The following PRTG variants were observed in gnomAD, a reference collection of about 807,000 sequenced individuals.
PRTG encodes the protein protogenin.
In PRTG, 67 loss-of-function variants were observed where a neutral mutation model predicts 122.5. That is an observed-to-expected ratio of 0.55 (90% confidence interval 0.45 to 0.67). PRTG has a LOEUF of 0.67. Among genes scored for constraint, PRTG ranks in the 30% least tolerant of loss-of-function variants. PRTG has a pLI of 0.00. For synonymous variants in PRTG, 554 were observed against 501.1 expected (o/e 1.11, Z -1.41); for missense variants, 1,435 against 1,415.4 (o/e 1.01, Z -0.22).
At chr15:55,656,309 G>A (rs1333219823) in intron 11 of PRTG, 1 of 453,254 alleles carries the variant, frequency 2.2e-6, no homozygotes. Context: ...TTTGTGGAAT[G>A]TCTCACAATC....
At chr15:55,694,951 C>G (rs912581137) in intron 2 of PRTG, among the ~76,000 whole-genome samples, 21 of 152,146 alleles carry the variant, frequency 1.4e-4, no homozygotes, top group African/African-American at 4.6e-4. Context: ...GTCATTAAAG[C>G]TGTGCTGTTA....
chr15:55,658,111 G>A (rs1176746771), intron 11 of PRTG, among the ~76,000 whole-genome samples: 1 of 151,956 alleles, frequency 6.6e-6, no homozygotes, highest in African/African-American at 2.4e-5. Context: ...TCCTTTCAAT[G>A]CCCATATTTA....
intron 2 of PRTG, among the ~76,000 whole-genome samples, chr15:55,724,624 T>C (rs1455094357): frequency 6.6e-6 from 1 of 151,084 alleles, no homozygotes. Context: ...CCAGGTGTGG[T>C]GGTGCATGCC....
rs368497121 is a variant in PRTG at position 55,705,767 on chromosome 15, T to C, written c.398-21836A>G. Among the ~76,000 whole-genome samples the C allele has an allele frequency of 1.4e-4, 22 of 152,194 alleles. No individual in the cohort carries two copies. The South Asian group carries it at 4.4e-3, about 30-fold the overall frequency. ...CCTACCTATTTCTGATCAACATCAA[T>C]TTAATTGTACTGTTGTTTATCCAAC... On this transcript the variant is annotated intron_variant, in intron 2 of 19. Transcript: ENST00000389286.
At position 55,611,892 on chromosome 15, in the gene PRTG, G is replaced by C. The variant is rs12595448; in HGVS notation, c.*8120C>G. On this transcript the variant is annotated 3_prime_UTR_variant, in exon 20 of 20. Transcript: ENST00000389286. ...TATAGCTCAGCTCTACAGTCCATTA[G>C]CAAGTCTACAAATGCTGCCCTTACA... The C allele has an allele frequency of 0.28, 41,876 of 151,894 alleles. 8,204 individuals are homozygous for C. The highest frequency in any genetic ancestry group is 0.94 in the East Asian group (4,893 of 5,178). The allele number at this position is 151,894 out of a possible 1,614,324, so 9.4% of individuals were successfully genotyped here.
rs1306401109 is a variant in PRTG, at chr15:55,682,376, T to C, written c.664A>G (p.Thr222Ala). 4 of 1,598,388 alleles carry C rather than the reference T, an allele frequency of 2.5e-6. No homozygotes were observed. The highest frequency in any genetic ancestry group is 3.4e-6 in the Non-Finnish European group (4 of 1,171,350). The part of the protein sequence containing the change: ...HRRKSMEASL[T>A]VIPAKESKSF... ...CTCTGCGTGGTACCTGGAATCACAGTTAGCGAGGCCTCCATACTTTTACGT... is the reference window on the plus strand; with the variant it reads ...CTCTGCGTGGTACCTGGAATCACAGCTAGCGAGGCCTCCATACTTTTACGT... The change falls in exon 4 of 20, where the codon ACT (threonine) becomes GCT (alanine). Residue 222 changes from threonine (T) to alanine (A), a missense_variant. Physicochemically the swap from Thr to Ala is moderately conservative, Grantham distance 58. Transcript: ENST00000389286.
At chr15:55,638,428 A>G (rs1478756529) in intron 14 of PRTG, 121 bp downstream of exon 14, 13 of 636,632 alleles carry the variant, frequency 2.0e-5, no homozygotes, top group Admixed American at 3.7e-5. Flanking sequence ...CAAAACAAAT[A>G]CATATATCAA....
intron 2 of PRTG, among the ~76,000 whole-genome samples, chr15:55,688,767 G>C (rs2059584426): frequency 6.6e-6 from 1 of 152,216 alleles, no homozygotes; most frequent in Admixed American, 6.5e-5. Flanking sequence ...CTGGGAGGCA[G>C]AGGTTGCAGT....
At chr15:55,685,598 G>C (rs2059565940) in intron 2 of PRTG, among the ~76,000 whole-genome samples, 1 of 152,096 alleles carries the variant, frequency 6.6e-6, no homozygotes, top group African/African-American at 2.4e-5. Context: ...TAACTAAAGA[G>C]ATATGCACAA....
At chr15:55,673,760 T>G in intron 9 of PRTG, 84 bp from the exon 10 acceptor site, 3 of 1,004,348 alleles carry the variant, frequency 3.0e-6, no homozygotes, top group Non-Finnish European at 4.5e-6. Context: ...TTCTCTTAAT[T>G]AGCAACATAT....
rs555851012 is a variant in PRTG at position 55,673,292 on chromosome 15, T to C, written c.1852+79A>G. 5 of 1,009,938 alleles carry C rather than the reference T, an allele frequency of 5.0e-6. No individual in the cohort carries two copies. In the Admixed American group the frequency reaches 1.4e-4, roughly 28 times the overall value. 62.6% of individuals were successfully genotyped at this position (1,009,938 alleles called of 1,614,324 possible). A position where few individuals can be genotyped will look rare whatever the true frequency, so the allele number is the denominator to read the frequency against. ...TTATTTGTAAAACAAAATTTAAAAATATAAACATAATTTAGAGAAGAAAAA... is the reference window on the plus strand; with the variant it reads ...TTATTTGTAAAACAAAATTTAAAAACATAAACATAATTTAGAGAAGAAAAA... On this transcript the variant is annotated intron_variant, in intron 10 of 19. Coordinates refer to ENST00000389286, the MANE Select transcript of PRTG (RefSeq NM_173814.6).
intron 11 of PRTG, among the ~76,000 whole-genome samples, chr15:55,654,728 CAGAG>C (rs980450300): frequency 2.0e-5 from 3 of 152,180 alleles, no homozygotes; most frequent in African/African-American, 4.8e-5. Context: ...TATAGACTGA[CAGAG>C]AGAGCCTATT....
At chr15:55,727,524 G>A (rs1187895123) in intron 2 of PRTG, among the ~76,000 whole-genome samples, 1 of 152,132 alleles carries the variant, frequency 6.6e-6, no homozygotes, top group East Asian at 1.9e-4. Context: ...GGCCGGACAT[G>A]GTGGCTCACG....
intron 15 of PRTG, among the ~76,000 whole-genome samples, chr15:55,632,009 T>C (rs919307694): frequency 6.6e-6 from 1 of 152,174 alleles, no homozygotes; most frequent in Non-Finnish European, 1.5e-5. Flanking sequence ...CAGGATACAA[T>C]CTCAGATTTT....
At chr15:55,716,137 AC>A (rs1373048825) in intron 2 of PRTG, among the ~76,000 whole-genome samples, 1 of 152,194 alleles carries the variant, frequency 6.6e-6, no homozygotes, top group Non-Finnish European at 1.5e-5. Flanking sequence ...GGAGGCTGAG[AC>A]GGGAGAATCG....
chr15:55,693,007 ATTT>A (rs989580703), intron 2 of PRTG, among the ~76,000 whole-genome samples: 1 of 142,052 alleles, frequency 7.0e-6, no homozygotes, highest in Non-Finnish European at 1.6e-5. Flanking sequence ...CGGCCAGCTA[ATTT>A]TTTTTTTTTT....
At chr15:55,624,711 C>T (rs2059185512) in intron 17 of PRTG, among the ~76,000 whole-genome samples, 1 of 152,126 alleles carries the variant, frequency 6.6e-6, no homozygotes, top group Non-Finnish European at 1.5e-5. Context: ...CTTTTTGCCT[C>T]GCTGTCTACT....
intron 14 of PRTG, among the ~76,000 whole-genome samples, 174 bp downstream of exon 14, chr15:55,638,373 TAA>T (rs2059269821): frequency 6.6e-6 from 1 of 151,988 alleles, no homozygotes; most frequent in African/African-American, 2.4e-5. Flanking sequence ...AGAAAAAATT[TAA>T]ATAAAATAAG....
chr15:55,638,758 AG>A, intron 13 of PRTG, 82 bp from the exon 14 acceptor site: 1 of 1,247,510 alleles, frequency 8.0e-7, no homozygotes, highest in Non-Finnish European at 1.1e-6. Context: ...CAAATAGGTA[AG>A]GGCATAATGT....
Sources: allele counts gnomAD v4.1 joint callset (sites outside exome capture counted in the v4.1 genomes callset), GRCh38; gene constraint gnomAD v4.1.1; transcripts MANE v1.5; gene names NCBI Gene and HGNC (gene_info 2026-07-23, HGNC 2026-07-21).